Variants in ANXA3 observed in about 807,000 individuals in gnomAD.
The protein encoded by ANXA3 is annexin A3.
A neutral mutation model predicts 48.8 loss-of-function variants in ANXA3; 46 were observed. The ratio of observed to expected loss-of-function variants is 0.94; its 90% CI spans 0.74 to 1.21. ANXA3 has a LOEUF of 1.21. Among genes scored for constraint, ANXA3 ranks in the 50% most tolerant of loss-of-function variants. The pLI is 0.00. For missense variants in ANXA3, 383 were observed against 378.6 expected (o/e 1.01, Z -0.10); for synonymous variants, 128 against 134.7 (o/e 0.95, Z 0.35).
intron 6 of ANXA3, among the ~76,000 whole-genome samples, chr4:78,587,305 C>T (rs1578399494): frequency 6.6e-6 from 1 of 152,326 alleles, no homozygotes; most frequent in Non-Finnish European, 1.5e-5. Flanking sequence ...GATATTGTGG[C>T]TCAAAGCCTC....
chr4:78,603,211 T>A (rs567106474), intron 11 of ANXA3: 1 of 152,370 alleles, frequency 6.6e-6, no homozygotes, highest in Non-Finnish European at 1.5e-5. Flanking sequence ...AGATATAATC[T>A]GTTCTGTTCA....
chr4:78,580,408 G>A (rs114360211), intron 4 of ANXA3, among the ~76,000 whole-genome samples: 1,549 of 152,356 alleles, frequency 0.01, 30 homozygotes, highest in African/African-American at 0.034. Flanking sequence ...GAAGGGGGCA[G>A]AAGAAAGAGA....
intron 1 of ANXA3, 102 bp from the exon 2 acceptor site, chr4:78,554,334 T>A (rs577720867): frequency 2.5e-6 from 2 of 815,598 alleles, no homozygotes; most frequent in East Asian, 5.1e-5. Context: ...TTTCTGTGAA[T>A]GTTGACATCT....
intron 2 of ANXA3, among the ~76,000 whole-genome samples, chr4:78,557,582 G>T (rs186619074): frequency 6.6e-6 from 1 of 152,168 alleles, no homozygotes; most frequent in Non-Finnish European, 1.5e-5. Flanking sequence ...CAGGAAAGAG[G>T]TGGGGAGGGG....
intron 7 of ANXA3, among the ~76,000 whole-genome samples, chr4:78,593,587 C>T (rs1723350563): frequency 2.7e-5 from 4 of 150,790 alleles, no homozygotes; most frequent in Admixed American, 6.6e-5. Flanking sequence ...GTACAGAGAG[C>T]TCCCATATGA....
chr4:78,606,970 T>A (rs1723662422), intron 12 of ANXA3, among the ~76,000 whole-genome samples: 1 of 152,180 alleles, frequency 6.6e-6, no homozygotes, highest in African/African-American at 2.4e-5. Context: ...ACATTAACCA[T>A]GTTGTAGCTA....
rs781497295 is a variant in ANXA3 at position 78,586,259 on chromosome 4, G to C, written c.313-1G>C. On this transcript the variant is annotated splice_acceptor_variant, in intron 5 of 12. Coordinates refer to ENST00000264908, the MANE Select transcript of ANXA3 (RefSeq NM_005139.3). LOFTEE classifies it high-confidence loss of function. ...AAATTAGATTTTCTTTTCCTTTTTAGGGCGCGGGAACAAACGAAGATGCCT... is the reference window on the plus strand; with the variant it reads ...AAATTAGATTTTCTTTTCCTTTTTACGGCGCGGGAACAAACGAAGATGCCT... The C allele has an allele frequency of 1.2e-6, 2 of 1,611,116 alleles. No individual in the cohort carries two copies. The highest frequency in any genetic ancestry group is 1.3e-5 in the African/African-American group (1 of 74,738).
intron 2 of ANXA3, chr4:78,571,002 CT>C (rs1179516660): frequency 2.0e-5 from 3 of 151,774 alleles, no homozygotes; most frequent in African/African-American, 7.3e-5. Flanking sequence ...AATTTATTTT[CT>C]TTCTTTCTTT....
At chr4:78,572,739 G>A (rs1305844618) in intron 2 of ANXA3, among the ~76,000 whole-genome samples, 1 of 152,172 alleles carries the variant, frequency 6.6e-6, no homozygotes, top group Non-Finnish European at 1.5e-5. Flanking sequence ...AGTAATTGGG[G>A]AGGTTGCAAA....
At chr4:78,567,902 A>G (rs1425672357) in intron 2 of ANXA3, among the ~76,000 whole-genome samples, 1 of 152,188 alleles carries the variant, frequency 6.6e-6, no homozygotes, top group South Asian at 2.1e-4. Flanking sequence ...ACAATCCTTC[A>G]TGTTTTGAAG....
At chr4:78,578,744 G>C (rs1723011915) in intron 3 of ANXA3, among the ~76,000 whole-genome samples, 1 of 152,000 alleles carries the variant, frequency 6.6e-6, no homozygotes, top group Non-Finnish European at 1.5e-5. Flanking sequence ...AAAAGTAGTA[G>C]GTTGTTTTGT....
chr4:78,586,498 C>T, intron 6 of ANXA3, 148 bp downstream of exon 6: 1 of 574,330 alleles, frequency 1.7e-6, no homozygotes, highest in Non-Finnish European at 3.0e-6. Flanking sequence ...CAGCTAAAGA[C>T]TATGAGTTTC....
chr4:78,598,657 A>T (rs1723475585), intron 10 of ANXA3, among the ~76,000 whole-genome samples: 1 of 152,064 alleles, frequency 6.6e-6, no homozygotes, highest in Non-Finnish European at 1.5e-5. Flanking sequence ...CTTGTGCCTC[A>T]GCCTCCTAAG....
chr4:78,606,979 T>C (rs1015873150), intron 12 of ANXA3, among the ~76,000 whole-genome samples: 1 of 152,196 alleles, frequency 6.6e-6, no homozygotes, highest in Admixed American at 6.5e-5. Flanking sequence ...ATGTTGTAGC[T>C]ACTAAGGCAG....
chr4:78,554,597 G>A (rs1722471555), intron 2 of ANXA3, 109 bp downstream of exon 2: 13 of 924,812 alleles, frequency 1.4e-5, no homozygotes, highest in South Asian at 4.3e-5. Flanking sequence ...AGTTTATCTG[G>A]CAAAATTAAC....
chr4:78,579,181 C>G, intron 4 of ANXA3, 60 bp downstream of exon 4: 1 of 1,177,304 alleles, frequency 8.5e-7, no homozygotes, highest in East Asian at 2.4e-5. Context: ...TGGTCGCTCC[C>G]ACATGGTTAT....
chr4:78,607,387 C>T (rs369630453), intron 12 of ANXA3, among the ~76,000 whole-genome samples: 3 of 150,744 alleles, frequency 2.0e-5, no homozygotes, highest in African/African-American at 7.3e-5. Context: ...TTCTTCCTTC[C>T]ACCTATTGTT....
At chr4:78,552,897 T>A (rs541838774) in intron 1 of ANXA3, among the ~76,000 whole-genome samples, 4 of 152,230 alleles carry the variant, frequency 2.6e-5, no homozygotes, top group Non-Finnish European at 5.9e-5. Context: ...TGTGGTTGTG[T>A]AGAGAAACCT....
chr4:78,596,071 T>G (rs1037484597), intron 9 of ANXA3, among the ~76,000 whole-genome samples, 184 bp downstream of exon 9: 2 of 152,236 alleles, frequency 1.3e-5, no homozygotes, highest in African/African-American at 4.8e-5. Flanking sequence ...ACTACACTTT[T>G]GTTTTTCCAT....
Sources: gnomAD v4.1 joint callset for allele counts (sites outside exome capture counted in the v4.1 genomes callset) on GRCh38, gnomAD v4.1.1 for gene constraint, MANE v1.5 for transcripts, NCBI Gene and HGNC (gene_info 2026-07-23, HGNC 2026-07-21) for gene names.